Variants in CD1A observed in about 807,000 individuals in gnomAD.
CD1A encodes CD1a molecule.
Under a neutral mutation model 38.3 loss-of-function variants are expected in CD1A, and 50 were observed. The observed-to-expected ratio is 1.30, with a 90% confidence interval of 1.04 to 1.65. The LOEUF (loss-of-function observed/expected upper bound fraction) is 1.65. Ranked by LOEUF, CD1A falls within the 40% of genes most tolerant of loss-of-function variation. The pLI is 0.00. For synonymous variants in CD1A, 160 were observed against 150.8 expected (o/e 1.06, Z -0.45); for missense variants, 459 against 406.1 (o/e 1.13, Z -1.12).
chr1:158,256,087 G>A lies in CD1A; in HGVS notation c.409G>A (p.Gly137Arg), dbSNP rs779846618. 3 of 1,614,042 alleles carry A rather than the reference G, an allele frequency of 1.9e-6. No homozygotes were observed. The highest frequency in any genetic ancestry group is 2.2e-5 in the South Asian group (2 of 91,088). The part of the protein sequence containing the change: ...SGSFLQLAYQ[G>R]SDFVSFQNNS... ...AAGCTTCTTGCAGTTAGCTTATCAA[G>A]GATCAGACTTTGTGAGCTTCCAGAA... Residue 137 changes from glycine to arginine, a missense_variant, in exon 3 of 6, where the codon GGA becomes AGA. Transcript: ENST00000289429.
At chr1:158,252,653 T>C (rs1420145797), upstream of CD1A, among the ~76,000 whole-genome samples, 2 of 149,132 alleles carry the variant, frequency 1.3e-5, no homozygotes, top group African/African-American at 5.0e-5. Context: ...TTATCTGTAA[T>C]CCCAGCACTT....
At position 158,257,745 on chromosome 1, in the gene CD1A, GC is replaced by G; in HGVS notation, c.*58del. ...CTCCTTTTGGGGTGAGAGACCAGCA[GC>G]CCAAGGGCTCCAGACACACCTGAAC... On this transcript the variant is annotated 3_prime_UTR_variant, in exon 6 of 6. Transcript: ENST00000289429. The G allele has an allele frequency of 6.5e-7, 1 of 1,527,882 alleles. No homozygotes were observed. Among genetic ancestry groups the G allele is most frequent in the Non-Finnish European group, 9.1e-7 (1 of 1,101,518 alleles). 94.6% of individuals were successfully genotyped at this position (1,527,882 alleles called of 1,614,324 possible).
upstream of CD1A, among the ~76,000 whole-genome samples, chr1:158,251,084 T>C (rs1011945046): frequency 1.2e-4 from 18 of 152,226 alleles, no homozygotes; most frequent in African/African-American, 4.3e-4. Flanking sequence ...TGAACATATA[T>C]TTTGTATGTT....
At chr1:158,249,751 T>G (rs1650035194), upstream of CD1A, among the ~76,000 whole-genome samples, 1 of 152,208 alleles carries the variant, frequency 6.6e-6, no homozygotes, top group African/African-American at 2.4e-5. Context: ...GTTGTACCCC[T>G]TGGGCACAGG....
upstream of CD1A, among the ~76,000 whole-genome samples, chr1:158,250,362 A>G (rs890599443): frequency 1.3e-5 from 2 of 152,238 alleles, no homozygotes. Context: ...CTTCATTTAT[A>G]AAACACACAT....
upstream of CD1A, among the ~76,000 whole-genome samples, chr1:158,250,475 C>T (rs1650058145): frequency 1.3e-5 from 2 of 152,188 alleles, no homozygotes. Flanking sequence ...ATATACAATA[C>T]ACCGATTAAC....
Position 158,254,589 on chromosome 1 carries a change from A to C in CD1A, c.-81A>C. On this transcript the variant is annotated 5_prime_UTR_variant, in exon 1 of 6. Transcript: ENST00000289429. ...TGGCTGCAGAAAGAAGTCAGAATAG[A>C]GATATCGTGGGGTAGGTTTGTTTGG... The C allele has an allele frequency of 6.2e-7, 1 of 1,608,304 alleles. No homozygotes were observed. Among genetic ancestry groups the C allele is most frequent in the East Asian group, 2.2e-5 (1 of 44,754 alleles).
chr1:158,250,525 A>G (rs1437016984), upstream of CD1A, among the ~76,000 whole-genome samples: 1 of 152,074 alleles, frequency 6.6e-6, no homozygotes, highest in Non-Finnish European at 1.5e-5. Flanking sequence ...TCTCTTTACA[A>G]CCTTCGGAAA....
At chr1:158,253,639 T>C (rs1650144474), upstream of CD1A, among the ~76,000 whole-genome samples, 1 of 152,228 alleles carries the variant, frequency 6.6e-6, no homozygotes, top group South Asian at 2.1e-4. Context: ...ACTTGTGAGA[T>C]ACTCTGTTAG....
chr1:158,257,802 C>G lies in CD1A; in HGVS notation c.*112C>G. 1 of 909,180 alleles carries G rather than the reference C, an allele frequency of 1.1e-6. No homozygotes were observed. The highest frequency in any genetic ancestry group is 1.7e-6 in the Non-Finnish European group (1 of 571,486). The allele number at this position is 909,180 out of a possible 1,614,324, so 56.3% of individuals were successfully genotyped here. ...GTGATGATGACGTCCTCTCAACTCT[C>G]TTTGTAAAAATTTTGTTATTTTTGC... On this transcript the variant is annotated 3_prime_UTR_variant, in exon 6 of 6. Transcript: ENST00000289429.
chr1:158,249,837 C>T (rs1650038698), upstream of CD1A, among the ~76,000 whole-genome samples: 1 of 152,196 alleles, frequency 6.6e-6, no homozygotes, highest in South Asian at 2.1e-4. Flanking sequence ...ATGCAAGCTG[C>T]CCACTGGCTG....
At chr1:158,257,380 G>T in intron 4 of CD1A, 41 bp from the exon 5 acceptor site, 1 of 1,457,826 alleles carries the variant, frequency 6.9e-7, no homozygotes, top group Non-Finnish European at 9.6e-7. Context: ...AGGTAAAATG[G>T]GATGGATTAT....
chr1:158,255,181 G>T lies in CD1A; in HGVS notation c.156G>T (p.Leu52Phe). The T allele has an allele frequency of 2.5e-6, 4 of 1,614,124 alleles. No individual in the cohort carries two copies. Among genetic ancestry groups the T allele is most frequent in the Non-Finnish European group, 1.7e-6 (2 of 1,180,024 alleles). ...TGGTCTCAGGTTGGCTGAGTGATTTGCAGACTCATACCTGGGACAGCAATT... is the reference window on the plus strand; with the variant it reads ...TGGTCTCAGGTTGGCTGAGTGATTTTCAGACTCATACCTGGGACAGCAATT... Reference protein sequence around the residue: ...QNLVSGWLSDLQTHTWDSNSS... With the variant: ...QNLVSGWLSDFQTHTWDSNSS... The change falls in exon 2 of 6, where the codon TTG becomes TTT. Residue 52 changes from leucine to phenylalanine, a missense_variant. By Grantham distance (22) the Leu-to-Phe change is conservative. Transcript: ENST00000289429.
chr1:158,255,212 A>C lies in CD1A; in HGVS notation c.187A>C (p.Thr63Pro), dbSNP rs1460711460. The C allele has an allele frequency of 6.2e-7, 1 of 1,614,144 alleles. No individual in the cohort carries two copies. ...TCATACCTGGGACAGCAATTCCAGCACCATCGTTTTCCTGTGCCCCTGGTC... is the reference window on the plus strand; with the variant it reads ...TCATACCTGGGACAGCAATTCCAGCCCCATCGTTTTCCTGTGCCCCTGGTC... Reference protein sequence around the residue: ...QTHTWDSNSSTIVFLCPWSRG... With the variant: ...QTHTWDSNSSPIVFLCPWSRG... Residue 63 changes from threonine to proline, a missense_variant, in exon 2 of 6, where the codon ACC (threonine) becomes CCC (proline). By Grantham distance (38) the Thr-to-Pro change is conservative. Coordinates refer to ENST00000289429, the MANE Select transcript of CD1A (RefSeq NM_001763.3).
rs1650184380 is a variant in CD1A, at chr1:158,254,739, G to A, written c.58+12G>A. 1 of 1,588,754 alleles carries A rather than the reference G, an allele frequency of 6.3e-7. No homozygotes were observed. The highest frequency in any genetic ancestry group is 1.7e-5 in the Admixed American group (1 of 59,860). On this transcript the variant is annotated intron_variant, in intron 1 of 5. Transcript: ENST00000289429. ...TGGCAATGCAGACGGTAAGAACTCT[G>A]ACAACTGCCCAGTTGGGTGGTGGGT...
upstream of CD1A, among the ~76,000 whole-genome samples, chr1:158,250,808 T>G (rs1650068014): frequency 6.6e-6 from 1 of 152,232 alleles, no homozygotes; most frequent in African/African-American, 2.4e-5. Context: ...TTCATTTGAA[T>G]GAGGGAGAAG....
At chr1:158,257,628 C>T (rs760810992) in intron 5 of CD1A, 53 bp from the exon 6 acceptor site, 170 of 1,606,306 alleles carry the variant, frequency 1.1e-4, no homozygotes, top group Non-Finnish European at 1.4e-4. Context: ...TCTTGCTCCT[C>T]AATTCTCAGC....
intron 2 of CD1A, 129 bp downstream of exon 2, chr1:158,255,479 C>A: frequency 9.9e-7 from 1 of 1,008,102 alleles, no homozygotes; most frequent in Non-Finnish European, 1.4e-6. Flanking sequence ...CATAAAACTG[C>A]AATTGCATAC....
chr1:158,255,507 C>A (rs1461810250), intron 2 of CD1A, among the ~76,000 whole-genome samples, 157 bp downstream of exon 2: 1 of 152,168 alleles, frequency 6.6e-6, no homozygotes, highest in East Asian at 1.9e-4. Flanking sequence ...CAAGGGCTAT[C>A]ATCCAGACCT....
Sources: allele counts gnomAD v4.1 joint callset (sites outside exome capture counted in the v4.1 genomes callset), GRCh38; gene constraint gnomAD v4.1.1; transcripts MANE v1.5; gene names NCBI Gene and HGNC (gene_info 2026-07-23, HGNC 2026-07-21).